Variants in BICD1 observed in about 807,000 individuals in gnomAD.
The protein encoded by BICD1 is BICD cargo adaptor 1, also known as protein bicaudal D homolog 1.
A neutral mutation model predicts 92.5 loss-of-function variants in BICD1; 35 were observed. That is an observed-to-expected ratio of 0.38 (90% CI 0.29 to 0.50). The LOEUF (loss-of-function observed/expected upper bound fraction) is 0.50, where lower values mean the gene tolerates loss of function less well. BICD1 is among the 20% of genes least tolerant of loss of function. BICD1 has a pLI of 0.93. For synonymous variants in BICD1, 429 were observed against 465.1 expected, an observed-to-expected ratio of 0.92 and a Z score of 1.00; for missense variants, 950 against 1,189.8, an observed-to-expected ratio of 0.80 and a Z score of 2.97.
chr12:32,314,213 T>A (rs1446449680), intron 4 of BICD1, among the ~76,000 whole-genome samples: 1 of 152,232 alleles, frequency 6.6e-6, no homozygotes, highest in Admixed American at 6.5e-5. Context: ...TTAGCTATTA[T>A]CAATAAAGCT....
intron 1 of BICD1, among the ~76,000 whole-genome samples, chr12:32,187,716 C>T (rs2650121): frequency 1 from 152,143 of 152,332 alleles, 75,978 homozygotes; most frequent in Non-Finnish European, 1. Context: ...ATGGAAACAG[C>T]AGACACTGGG....
chr12:32,314,311 T>C (rs1948446949), intron 4 of BICD1, among the ~76,000 whole-genome samples: 1 of 152,228 alleles, frequency 6.6e-6, no homozygotes, highest in Non-Finnish European at 1.5e-5. Flanking sequence ...TGCTGGGTCA[T>C]ATGGTAATTC....
At chr12:32,334,761 G>A (rs1298994618) in intron 6 of BICD1, 94 bp downstream of exon 6, 1 of 1,401,416 alleles carries the variant, frequency 7.1e-7, no homozygotes, top group Non-Finnish European at 9.6e-7. Flanking sequence ...AGTGTATTCG[G>A]TGAGTAGTCT....
At chr12:32,324,881 C>T (rs1948740720) in intron 4 of BICD1, among the ~76,000 whole-genome samples, 1 of 152,184 alleles carries the variant, frequency 6.6e-6, no homozygotes, top group Admixed American at 6.5e-5. Context: ...CCCGGCCATA[C>T]TGTACTTTTT....
chr12:32,162,669 C>T (rs181620662), intron 1 of BICD1, among the ~76,000 whole-genome samples: 42 of 152,170 alleles, frequency 2.8e-4, no homozygotes, highest in African/African-American at 6.5e-4. Flanking sequence ...TGGCAGGAAA[C>T]GGAGATTCTT....
chr12:32,328,115 G>A lies in BICD1; in HGVS notation c.1660G>A (p.Asp554Asn), dbSNP rs775034841. The change falls in exon 5 of 10, where the codon GAT becomes AAT. Residue 554 changes from aspartate to asparagine, a missense_variant. Transcript: ENST00000652176. The surrounding 1 kb of genome is among the most constrained non-coding windows in gnomAD (Gnocchi z 4.4). The stretch of plus-strand genomic sequence containing the variant: ...CAGTGGCAGCCTGAAAGGGCCCGAT[G>A]ATCCCAGAGGACTTTTGTCCCCACG... The part of the protein sequence containing the change: ...TRSGSLKGPD[D>N]PRGLLSPRLA... 1.2e-6 allele frequency: 2 copies of A among 1,614,076 alleles called. No individual in the cohort carries two copies. Among genetic ancestry groups the A allele is most frequent in the South Asian group, 1.1e-5 (1 of 91,086 alleles).
chr12:32,149,976 C>T (rs761262071), intron 1 of BICD1, among the ~76,000 whole-genome samples: 3 of 152,086 alleles, frequency 2.0e-5, no homozygotes, highest in Non-Finnish European at 4.4e-5. Context: ...CAGGTGGCTG[C>T]GGAGGCCTCA....
At chr12:32,376,180 T>C (rs1939952085) in intron 9 of BICD1, among the ~76,000 whole-genome samples, 1 of 151,836 alleles carries the variant, frequency 6.6e-6, no homozygotes, top group Non-Finnish European at 1.5e-5. Flanking sequence ...GCCTCCCATG[T>C]TCAAGTGATT....
At chr12:32,198,258 T>G (rs1944783128) in intron 1 of BICD1, among the ~76,000 whole-genome samples, 1 of 147,830 alleles carries the variant, frequency 6.8e-6, no homozygotes. Context: ...CCAAATACCC[T>G]TAAAGTTTTT....
intron 2 of BICD1, among the ~76,000 whole-genome samples, chr12:32,268,970 A>C (rs1947069590): frequency 6.6e-6 from 1 of 152,164 alleles, no homozygotes; most frequent in Non-Finnish European, 1.5e-5. Flanking sequence ...CTACTTGTCA[A>C]ACTGTAGTGT....
chr12:32,283,809 C>G (rs1269445425), intron 2 of BICD1, among the ~76,000 whole-genome samples: 1 of 152,208 alleles, frequency 6.6e-6, no homozygotes, highest in Non-Finnish European at 1.5e-5. Context: ...ATTGAGAAGT[C>G]TGGGCCTGTC....
chr12:32,259,202 G>A (rs1232262781), intron 2 of BICD1, among the ~76,000 whole-genome samples: 1 of 152,150 alleles, frequency 6.6e-6, no homozygotes, highest in East Asian at 1.9e-4. Context: ...ACAACAAAGA[G>A]TAATATTAAA....
At chr12:32,144,153 ATGTAT>A (rs1412764667) in intron 1 of BICD1, among the ~76,000 whole-genome samples, 1 of 152,120 alleles carries the variant, frequency 6.6e-6, no homozygotes, top group Non-Finnish European at 1.5e-5. Flanking sequence ...TCTCTTTGTT[ATGTAT>A]TTTTGTGTCT....
intron 8 of BICD1, among the ~76,000 whole-genome samples, chr12:32,345,936 C>T (rs1198496696): frequency 6.6e-6 from 1 of 152,134 alleles, no homozygotes; most frequent in Non-Finnish European, 1.5e-5. Flanking sequence ...ATCACTTGAG[C>T]CCAGGAGTTC....
intron 3 of BICD1, 104 bp downstream of exon 3, chr12:32,294,250 C>A: frequency 8.6e-7 from 1 of 1,163,778 alleles, no homozygotes; most frequent in Non-Finnish European, 1.2e-6. Flanking sequence ...ACTCTTTTAT[C>A]TTCTCTCTAT....
chr12:32,115,301 G>A (rs1941849311), intron 1 of BICD1, among the ~76,000 whole-genome samples: 2 of 151,386 alleles, frequency 1.3e-5, no homozygotes, highest in African/African-American at 4.9e-5. Context: ...TGTCTCTGTT[G>A]TTAACACTTT....
chr12:32,314,011 A>T (rs1948440201), intron 4 of BICD1, among the ~76,000 whole-genome samples: 1 of 152,090 alleles, frequency 6.6e-6, no homozygotes, highest in South Asian at 2.1e-4. Context: ...AATAAATGGA[A>T]TCATACAATG....
intron 1 of BICD1, among the ~76,000 whole-genome samples, chr12:32,178,848 A>G (rs1944193197): frequency 6.6e-6 from 1 of 151,998 alleles, no homozygotes; most frequent in African/African-American, 2.4e-5. Flanking sequence ...GTTACTCTGC[A>G]CTGCTGCAGG....
chr12:32,133,577 TA>T (rs1216318710), intron 1 of BICD1, among the ~76,000 whole-genome samples: 2 of 152,170 alleles, frequency 1.3e-5, no homozygotes, highest in Non-Finnish European at 2.9e-5. Flanking sequence ...ATTCTATAGT[TA>T]TAATGCTCTA....
Sources: gnomAD v4.1 joint callset for allele counts (sites outside exome capture counted in the v4.1 genomes callset) on GRCh38, gnomAD v4.1.1 for gene constraint, Gnocchi (gnomAD v3.1) non-coding constraint, MANE v1.5 for transcripts, NCBI Gene and HGNC (gene_info 2026-07-23, HGNC 2026-07-21) for gene names.